RARB: variants seen among roughly 807,000 people sequenced by gnomAD.
The protein encoded by RARB is HBV-activated protein.
Under a neutral mutation model 51.9 loss-of-function variants are expected in RARB, and 17 were observed. That is an observed-to-expected ratio of 0.33 (90% CI 0.22 to 0.49). The LOEUF is 0.49. Ranked by LOEUF, RARB falls within the 20% of genes least tolerant of loss-of-function variation. The pLI, the probability that RARB is intolerant of heterozygous loss-of-function variation, is 0.99. For synonymous variants in RARB, 215 were observed against 195.4 expected, an observed-to-expected ratio of 1.10 and a Z score of -0.84; for missense variants, 369 against 550.8, an observed-to-expected ratio of 0.67 and a Z score of 3.30.
intron 5 of RARB, among the ~76,000 whole-genome samples, chr3:25,312,673 G>GT (rs369339489): frequency 3.3e-5 from 5 of 152,212 alleles, no homozygotes; most frequent in Admixed American, 2.6e-4. Flanking sequence ...TAGTTACAAA[G>GT]TTTTTTTCAA....
intron 4 of RARB, among the ~76,000 whole-genome samples, chr3:25,171,323 AAAGG>A (rs889888492): frequency 6.6e-6 from 1 of 151,946 alleles, no homozygotes; most frequent in Non-Finnish European, 1.5e-5. Flanking sequence ...AGCCTGAAAC[AAAGG>A]AAATTCTCTG....
Position 25,330,539 on chromosome 3 carries a change from A to C in RARB, c.179-130654A>C, listed in dbSNP as rs322687. ...GCACTAAACATGGAAAGGAACAACC[A>C]GTACCAGCCACTAAAAAACATGCCA... On this transcript the variant is annotated intron_variant, in intron 5 of 11. Coordinates refer to the RARB transcript ENST00000383772. Among the ~76,000 whole-genome samples, 8 of 152,256 alleles carry C rather than the reference A, an allele frequency of 5.3e-5. No homozygotes were observed. In the South Asian group the frequency reaches 1.2e-3, roughly 24 times the overall value.
At chr3:25,058,806 G>A (rs1293818576) in intron 2 of RARB, among the ~76,000 whole-genome samples, 1 of 151,170 alleles carries the variant, frequency 6.6e-6, no homozygotes, top group Non-Finnish European at 1.5e-5. Flanking sequence ...AAAATGATTG[G>A]TTCTATATAG....
At chr3:25,245,182 T>C (rs1702527835) in intron 5 of RARB, among the ~76,000 whole-genome samples, 1 of 152,208 alleles carries the variant, frequency 6.6e-6, no homozygotes, top group African/African-American at 2.4e-5. Context: ...TCCCTTTATT[T>C]TGAGTCTATG....
chr3:25,386,505 A>G (rs1334593767), intron 5 of RARB, among the ~76,000 whole-genome samples: 2 of 152,232 alleles, frequency 1.3e-5, no homozygotes, highest in African/African-American at 4.8e-5. Context: ...CAGGGCAAAG[A>G]CTGAAGTCAC....
intron 4 of RARB, among the ~76,000 whole-genome samples, chr3:25,172,461 CACA>C (rs1408353561): frequency 6.6e-6 from 1 of 152,148 alleles, no homozygotes; most frequent in Non-Finnish European, 1.5e-5. Context: ...TGAGGTGCCT[CACA>C]TATGGTAAAT....
chr3:24,913,402 C>CTTTTTT (rs66779362), intron 2 of RARB, among the ~76,000 whole-genome samples: 9 of 108,390 alleles, frequency 8.3e-5, no homozygotes, highest in Admixed American at 9.0e-5. Flanking sequence ...CTCTCTCTCT[C>CTTTTTT]TTTTTTTTTT....
intron 3 of RARB, among the ~76,000 whole-genome samples, chr3:25,103,387 T>C (rs1425673412): frequency 1.3e-5 from 2 of 152,176 alleles, no homozygotes; most frequent in Admixed American, 1.3e-4. Flanking sequence ...TTCCCCTTCC[T>C]CCTCTTTCAT....
At chr3:25,131,602 A>G (rs748231399) in intron 3 of RARB, among the ~76,000 whole-genome samples, 4 of 152,020 alleles carry the variant, frequency 2.6e-5, no homozygotes, top group Non-Finnish European at 5.9e-5. Context: ...AAAAACATAT[A>G]TACATATATT....
chr3:25,356,795 G>T (rs1177012821), intron 5 of RARB, among the ~76,000 whole-genome samples: 1 of 152,108 alleles, frequency 6.6e-6, no homozygotes. Flanking sequence ...TTAGTTTGCT[G>T]AGAATGATGG....
intron 2 of RARB, among the ~76,000 whole-genome samples, chr3:24,947,024 C>T (rs990030084): frequency 5.3e-5 from 8 of 152,128 alleles, no homozygotes; most frequent in African/African-American, 1.9e-4. Flanking sequence ...GAAACGTGAC[C>T]TTTGATAAAA....
chr3:25,062,427 T>C (rs1481547679), intron 3 of RARB, among the ~76,000 whole-genome samples: 1 of 151,896 alleles, frequency 6.6e-6, no homozygotes, highest in African/African-American at 2.4e-5. Flanking sequence ...CAGTATCTAT[T>C]AAAACTTTAA....
At chr3:24,953,489 C>A (rs1480599259) in intron 2 of RARB, among the ~76,000 whole-genome samples, 1 of 152,164 alleles carries the variant, frequency 6.6e-6, no homozygotes, top group African/African-American at 2.4e-5. Context: ...AAGGACTGAG[C>A]ACTTTCTTAC....
At chr3:25,404,130 G>T (rs1211852659) in intron 5 of RARB, among the ~76,000 whole-genome samples, 1 of 152,150 alleles carries the variant, frequency 6.6e-6, no homozygotes, top group Non-Finnish European at 1.5e-5. Flanking sequence ...AAGCAGGGAG[G>T]AGTGATATTT....
chr3:25,159,057 G>GA (rs950500490), intron 4 of RARB, among the ~76,000 whole-genome samples: 7 of 143,900 alleles, frequency 4.9e-5, no homozygotes, highest in Admixed American at 1.4e-4. Flanking sequence ...CTGTGTAAGT[G>GA]AAAAAAAAAG....
At chr3:25,390,430 T>C (rs1021273385) in intron 5 of RARB, among the ~76,000 whole-genome samples, 2 of 152,220 alleles carry the variant, frequency 1.3e-5, no homozygotes, top group African/African-American at 4.8e-5. Flanking sequence ...TCCAGAATTA[T>C]GAGCAATAAA....
intron 3 of RARB, among the ~76,000 whole-genome samples, chr3:25,548,691 CT>C (rs1699723790): frequency 6.7e-6 from 1 of 149,158 alleles, no homozygotes; most frequent in Non-Finnish European, 1.5e-5. Flanking sequence ...GTTTTGAATC[CT>C]TTTTTAATAT....
chr3:25,317,530 G>A (rs1008948950), intron 5 of RARB, among the ~76,000 whole-genome samples: 4 of 152,124 alleles, frequency 2.6e-5, no homozygotes, highest in African/African-American at 4.8e-5. Flanking sequence ...AGATCGCCGA[G>A]TGAGCTATCT....
intron 2 of RARB, among the ~76,000 whole-genome samples, chr3:24,876,837 C>CT (rs1703053928): frequency 6.6e-6 from 1 of 152,120 alleles, no homozygotes; most frequent in East Asian, 1.9e-4. Flanking sequence ...AGTGGCATTT[C>CT]ATTTATCAGA....
Sources: allele counts gnomAD v4.1 joint callset (sites outside exome capture counted in the v4.1 genomes callset), GRCh38; gene constraint gnomAD v4.1.1; transcripts MANE v1.5; gene names NCBI Gene and HGNC (gene_info 2026-07-23, HGNC 2026-07-21).